Variants in TESK2 observed in about 807,000 individuals in gnomAD.
TESK2 encodes the protein dual specificity testis-specific protein kinase 2.
TESK2 carries 39 observed loss-of-function variants against 57.1 expected under a neutral mutation model. The ratio of observed to expected loss-of-function variants is 0.68; its 90% CI spans 0.53 to 0.89. TESK2 has a LOEUF of 0.89. Ranked by LOEUF, TESK2 falls within the 40% of genes least tolerant of loss-of-function variation. TESK2 has a pLI of 0.00. For missense variants in TESK2, 646 were observed against 732.1 expected (o/e 0.88, Z 1.36); for synonymous variants, 249 against 267.9 (o/e 0.93, Z 0.69).
chr1:45,400,485 T>C lies in TESK2; in HGVS notation c.345-14525A>G, dbSNP rs538165329. Among the ~76,000 whole-genome samples the C allele has an allele frequency of 3.3e-5, 5 of 152,276 alleles. No individual in the cohort carries two copies. In the South Asian group the frequency reaches 1.0e-3, roughly 32 times the overall value. On this transcript the variant is annotated intron_variant, in intron 3 of 10. Coordinates refer to ENST00000372086, the MANE Select transcript of TESK2 (RefSeq NM_007170.3). ...TATGATAGCCACAGAAAACTAATAA[T>C]AGGTACATAACACAAAAAATTGTAT...
chr1:45,347,863 C>T, intron 6 of TESK2, 55 bp downstream of exon 6: 1 of 1,510,416 alleles, frequency 6.6e-7, no homozygotes, highest in Non-Finnish European at 9.2e-7. Flanking sequence ...CTAGAATTTT[C>T]CCTTAGCTTC....
chr1:45,457,697 CCTT>C lies in TESK2; in HGVS notation c.86_88del (p.Glu29del), dbSNP rs1652164982. 6.2e-7 allele frequency: 1 copy of C among 1,614,046 alleles called. No homozygotes were observed. The highest frequency in any genetic ancestry group is 8.5e-7 in the Non-Finnish European group (1 of 1,180,034). On this transcript the variant is annotated inframe_deletion, in exon 2 of 11. Transcript: ENST00000372086. ...AACTCTTCCCACCTGGCTCACATTT[CCTT>C]CTCCTCCACCACCTCCTTCAAACTC...
At chr1:45,419,130 A>T in intron 3 of TESK2, among the ~76,000 whole-genome samples, 1 of 151,886 alleles carries the variant, frequency 6.6e-6, no homozygotes, top group Non-Finnish European at 1.5e-5. Flanking sequence ...GGTGCATGCC[A>T]CCACACCCAG....
At chr1:45,355,910 A>G (rs1557540858) in intron 4 of TESK2, among the ~76,000 whole-genome samples, 1 of 152,206 alleles carries the variant, frequency 6.6e-6, no homozygotes, top group African/African-American at 2.4e-5. Flanking sequence ...GCCAGAGTGC[A>G]TTTATAGATG....
In TESK2 at chr1:45,345,058, G is replaced by A. The variant is rs201896771; in HGVS notation, c.1498C>T (p.Arg500Trp). The change falls in exon 11 of 11, where the codon CGG (arginine) becomes TGG (tryptophan). Residue 500 changes from arginine to tryptophan, a missense_variant. Transcript: ENST00000372086. ...KYRVKEIPPF[R>W]ASALPAAQAH... is the part of the protein sequence containing the mutation. ...TGAGCAGCTGGTAGGGCAGATGCCCGGAATGGTGGGATCTCTTTAACTCTG... is the reference window on the plus strand; with the variant it reads ...TGAGCAGCTGGTAGGGCAGATGCCCAGAATGGTGGGATCTCTTTAACTCTG... 302 of 1,614,106 alleles carry A rather than the reference G, an allele frequency of 1.9e-4. No homozygotes were observed. The highest frequency in any genetic ancestry group is 2.4e-4 in the Non-Finnish European group (285 of 1,180,056).
At chr1:45,357,752 T>C (rs886253410) in intron 4 of TESK2, among the ~76,000 whole-genome samples, 6 of 151,522 alleles carry the variant, frequency 4.0e-5, no homozygotes, top group Non-Finnish European at 8.8e-5. Flanking sequence ...ACACCTGTAA[T>C]CCCAGCACTT....
chr1:45,395,781 C>T (rs984347570), intron 3 of TESK2, among the ~76,000 whole-genome samples: 4 of 151,528 alleles, frequency 2.6e-5, no homozygotes, highest in Non-Finnish European at 5.9e-5. Flanking sequence ...CCTATATCAC[C>T]TTCCTATAGC....
chr1:45,370,028 T>C (rs545288015), intron 4 of TESK2, among the ~76,000 whole-genome samples: 28 of 152,198 alleles, frequency 1.8e-4, no homozygotes, highest in African/African-American at 6.3e-4. Flanking sequence ...ATGATTTCTA[T>C]AGGACAGAGG....
chr1:45,483,273 T>A lies in TESK2; in HGVS notation c.-87+7579A>T, dbSNP rs189524250. 2.6e-3 allele frequency among the ~76,000 whole-genome samples: 385 copies of A among 147,998 alleles called. 2 individuals carry two copies. The highest frequency in any genetic ancestry group is 0.015 in the Admixed American group (221 of 14,804). On this transcript the variant is annotated intron_variant, in intron 1 of 10. Transcript: ENST00000372086. ...TCCAGCCTGGACAATAGAGAGAGAC[T>A]TCGTCTCAAAAAAAAAAAAACAACA...
chr1:45,366,398 C>T (rs2149268601), intron 4 of TESK2, among the ~76,000 whole-genome samples: 3 of 151,996 alleles, frequency 2.0e-5, no homozygotes, highest in Middle Eastern at 3.4e-3. Context: ...CTTATTCATC[C>T]TTCTGAACTC....
intron 2 of TESK2, among the ~76,000 whole-genome samples, chr1:45,434,310 G>A (rs959368338): frequency 6.7e-6 from 1 of 150,128 alleles, no homozygotes; most frequent in African/African-American, 2.5e-5. Flanking sequence ...TTGTTTGTTT[G>A]TCTAAGACAG....
chr1:45,458,537 C>T (rs11582198), intron 1 of TESK2, among the ~76,000 whole-genome samples: 31,694 of 150,872 alleles, frequency 0.21, 3,671 homozygotes, highest in Non-Finnish European at 0.27. Flanking sequence ...TGCACTCCAG[C>T]CTGGGCAACA....
At chr1:45,455,498 G>A (rs79391035) in intron 2 of TESK2, among the ~76,000 whole-genome samples, 41 of 152,252 alleles carry the variant, frequency 2.7e-4, no homozygotes, top group Non-Finnish European at 5.1e-4. Flanking sequence ...CTCATTTGGC[G>A]GCCCTATGAT....
At chr1:45,447,603 C>T (rs1006942088) in intron 2 of TESK2, among the ~76,000 whole-genome samples, 12 of 151,934 alleles carry the variant, frequency 7.9e-5, no homozygotes, top group African/African-American at 2.2e-4. Context: ...AATAGGAGTA[C>T]ACTCTAAAAT....
At chr1:45,363,334 A>G (rs958222572) in intron 4 of TESK2, among the ~76,000 whole-genome samples, 1 of 152,198 alleles carries the variant, frequency 6.6e-6, no homozygotes, top group Admixed American at 6.5e-5. Flanking sequence ...GCATCTTGAA[A>G]AGATTTAGCC....
At position 45,346,613 on chromosome 1, in the gene TESK2, C is replaced by G; in HGVS notation, c.879+80G>C. 17 of 1,216,516 alleles carry G rather than the reference C, an allele frequency of 1.4e-5. 1 individual carries two copies. In the South Asian group the frequency reaches 2.1e-4, roughly 15 times the overall value. 75.4% of individuals were successfully genotyped at this position (1,216,516 alleles called of 1,614,324 possible). A position where few individuals can be genotyped will look rare whatever the true frequency, so the allele number is the denominator to read the frequency against. On this transcript the variant is annotated intron_variant, in intron 9 of 10. Coordinates refer to ENST00000372086, the MANE Select transcript of TESK2 (RefSeq NM_007170.3). ...TGAGGTCCCTCATGAAGCTAATTAGCAGCCTCTCTGTACAGTCCTAACCAG... is the reference window on the plus strand; with the variant it reads ...TGAGGTCCCTCATGAAGCTAATTAGGAGCCTCTCTGTACAGTCCTAACCAG...
At chr1:45,402,091 G>A (rs2487446) in intron 3 of TESK2, among the ~76,000 whole-genome samples, 145,095 of 148,912 alleles carry the variant, frequency 0.97, 70,776 homozygotes, top group East Asian at 1. Context: ...TAAAAAAAAA[G>A]AAAAGAAAAG....
At chr1:45,398,876 C>T in intron 3 of TESK2, 1 of 412,164 alleles carries the variant, frequency 2.4e-6, no homozygotes. Flanking sequence ...CTTCTTCCTT[C>T]ATCTGCCAGC....
At chr1:45,419,038 C>T (rs551533875) in intron 3 of TESK2, among the ~76,000 whole-genome samples, 2 of 149,532 alleles carry the variant, frequency 1.3e-5, no homozygotes, top group South Asian at 2.1e-4. Context: ...AATACAGTGG[C>T]GCAATCTCAG....
Sources: gnomAD v4.1 joint callset for allele counts (sites outside exome capture counted in the v4.1 genomes callset) on GRCh38, gnomAD v4.1.1 for gene constraint, MANE v1.5 for transcripts, NCBI Gene and HGNC (gene_info 2026-07-23, HGNC 2026-07-21) for gene names.